The following CCSER1 variants were observed in gnomAD, a reference collection of about 807,000 sequenced individuals.
CCSER1 encodes serine-rich coiled-coil domain-containing protein 1.
CCSER1 carries 41 observed loss-of-function variants against 82.0 expected under a neutral mutation model. The observed-to-expected ratio is 0.50, with a 90% CI of 0.39 to 0.65. The LOEUF (loss-of-function observed/expected upper bound fraction) is 0.65, where lower values mean the gene tolerates loss of function less well. Among genes scored for constraint, CCSER1 ranks in the 30% least tolerant of loss-of-function variants. The pLI is 0.00. For synonymous variants in CCSER1, 414 were observed against 383.9 expected, an observed-to-expected ratio of 1.08 and a Z score of -0.92; for missense variants, 1,119 against 1,064.2, an observed-to-expected ratio of 1.05 and a Z score of -0.72.
chr4:91,333,939 A>G (rs1747133285), intron 10 of CCSER1, among the ~76,000 whole-genome samples: 1 of 152,062 alleles, frequency 6.6e-6, no homozygotes, highest in East Asian at 1.9e-4. Flanking sequence ...TTTTCAAATA[A>G]TTTTTTCTTA....
intron 10 of CCSER1, among the ~76,000 whole-genome samples, chr4:91,203,123 G>A (rs547728406): frequency 6.6e-5 from 10 of 151,930 alleles, no homozygotes; most frequent in African/African-American, 2.2e-4. Context: ...CAGTGTAAAA[G>A]TGTTCCTATT....
chr4:90,178,203 T>C (rs1241798487), intron 1 of CCSER1, among the ~76,000 whole-genome samples: 1 of 152,084 alleles, frequency 6.6e-6, no homozygotes, highest in Non-Finnish European at 1.5e-5. Flanking sequence ...ATTAATATAA[T>C]CAAATGAATT....
intron 1 of CCSER1, among the ~76,000 whole-genome samples, chr4:90,287,721 A>G (rs972238414): frequency 1.3e-5 from 2 of 152,008 alleles, no homozygotes; most frequent in Non-Finnish European, 2.9e-5. Flanking sequence ...CTTTGATATT[A>G]GAAATGAATT....
chr4:91,291,043 T>A (rs1461045834), intron 10 of CCSER1, among the ~76,000 whole-genome samples: 1 of 151,518 alleles, frequency 6.6e-6, no homozygotes, highest in Non-Finnish European at 1.5e-5. Flanking sequence ...AATTAGCACC[T>A]CTTATTAAAA....
At chr4:90,470,528 T>C (rs1330714739) in intron 5 of CCSER1, among the ~76,000 whole-genome samples, 2 of 152,158 alleles carry the variant, frequency 1.3e-5, no homozygotes, top group Non-Finnish European at 2.9e-5. Context: ...ATGTAATTTA[T>C]AAAGTACAAA....
chr4:90,461,421 G>T (rs1473660871), intron 4 of CCSER1, among the ~76,000 whole-genome samples: 2 of 152,080 alleles, frequency 1.3e-5, no homozygotes, highest in South Asian at 4.2e-4. Flanking sequence ...TTTAATGATC[G>T]GTATCAATTC....
chr4:90,289,385 T>A (rs13130000), intron 1 of CCSER1, among the ~76,000 whole-genome samples: 99,392 of 151,722 alleles, frequency 0.66, 34,889 homozygotes, highest in African/African-American at 0.91. Flanking sequence ...AGTAAAAAGA[T>A]AATTTGAAAT....
chr4:91,415,794 G>T (rs551788655), intron 10 of CCSER1, among the ~76,000 whole-genome samples: 1 of 152,218 alleles, frequency 6.6e-6, no homozygotes, highest in Non-Finnish European at 1.5e-5. Flanking sequence ...CTGATGTGCT[G>T]CTGGATTTCG....
chr4:90,288,491 C>T (rs1055023491), intron 1 of CCSER1, among the ~76,000 whole-genome samples: 15 of 151,924 alleles, frequency 9.9e-5, no homozygotes, highest in Non-Finnish European at 2.9e-5. Context: ...TTCTGTCTCC[C>T]TCATTGGAGT....
intron 9 of CCSER1, among the ~76,000 whole-genome samples, chr4:91,069,740 C>T (rs1442014492): frequency 1.3e-5 from 2 of 152,114 alleles, no homozygotes; most frequent in Admixed American, 6.5e-5. Flanking sequence ...AGTCCTTTGA[C>T]ACAGGAAATT....
Position 90,309,603 on chromosome 4 carries a change from C to T in CCSER1, c.1319C>T (p.Ala440Val), listed in dbSNP as rs373458356. The change falls in exon 2 of 11, where the codon GCC becomes GTC. Residue 440 changes from alanine to valine, a missense_variant. Transcript: ENST00000509176. ...KTSHGYEANP[A>V]KVLASSLSPF... ...TCACATGGATATGAAGCAAATCCTGCCAAAGGTATGCTGATTTTTTTTGTA... is the reference window on the plus strand; with the variant it reads ...TCACATGGATATGAAGCAAATCCTGTCAAAGGTATGCTGATTTTTTTTGTA... 8.7e-5 allele frequency: 136 copies of T among 1,562,948 alleles called. No individual in the cohort carries two copies. Among genetic ancestry groups the T allele is most frequent in the Non-Finnish European group, 1.0e-4 (116 of 1,157,848 alleles).
chr4:91,239,104 C>T (rs1253224209), intron 10 of CCSER1, among the ~76,000 whole-genome samples: 3 of 151,014 alleles, frequency 2.0e-5, no homozygotes, highest in South Asian at 4.2e-4. Flanking sequence ...GTATTACAAG[C>T]GTGAGCCACT....
chr4:90,612,009 CT>C (rs1785567831), intron 5 of CCSER1, among the ~76,000 whole-genome samples: 1 of 151,344 alleles, frequency 6.6e-6, no homozygotes, highest in African/African-American at 2.4e-5. Context: ...TTTTATTTAC[CT>C]TATTTTCACT....
intron 9 of CCSER1, among the ~76,000 whole-genome samples, chr4:91,077,465 A>C (rs923507930): frequency 6.6e-6 from 1 of 152,258 alleles, no homozygotes; most frequent in Non-Finnish European, 1.5e-5. Context: ...GAGAAAATTC[A>C]GTCAATAGAA....
chr4:90,902,138 T>A (rs143110391), intron 8 of CCSER1, among the ~76,000 whole-genome samples: 1 of 151,816 alleles, frequency 6.6e-6, no homozygotes, highest in East Asian at 1.9e-4. Flanking sequence ...TAAGTTCTAT[T>A]TTTTTTATTT....
intron 9 of CCSER1, among the ~76,000 whole-genome samples, chr4:91,033,736 G>T (rs1741188506): frequency 6.6e-6 from 1 of 152,162 alleles, no homozygotes; most frequent in African/African-American, 2.4e-5. Flanking sequence ...GGACTCAGAA[G>T]TGTCTTTAAA....
intron 10 of CCSER1, among the ~76,000 whole-genome samples, chr4:91,246,958 A>G (rs1042741458): frequency 4.6e-5 from 7 of 152,140 alleles, no homozygotes; most frequent in Non-Finnish European, 8.8e-5. Context: ...TAGAATGGCT[A>G]AAGTCCAAAA....
At position 90,253,885 on chromosome 4, in the gene CCSER1, T is replaced by C. The variant is rs1267591359; in HGVS notation, c.-41-54359T>C. Among the ~76,000 whole-genome samples the C allele has an allele frequency of 5.3e-5, 8 of 152,204 alleles. No individual in the cohort carries two copies. The East Asian group carries it at 1.5e-3, about 29-fold the overall frequency. On this transcript the variant is annotated intron_variant, in intron 1 of 10. Transcript: ENST00000509176. ...TCTGCATCTACTGGTATCATATCCA[T>C]CTGTTAGCCTTCACTAATTGCTAGC...
chr4:90,132,673 T>G (rs1723005414), intron 1 of CCSER1, among the ~76,000 whole-genome samples: 1 of 152,222 alleles, frequency 6.6e-6, no homozygotes, highest in African/African-American at 2.4e-5. Flanking sequence ...AGGTGTTTGA[T>G]ATATTACAAA....
Sources: gnomAD v4.1 joint callset for allele counts (sites outside exome capture counted in the v4.1 genomes callset) on GRCh38, gnomAD v4.1.1 for gene constraint, MANE v1.5 for transcripts, NCBI Gene and HGNC (gene_info 2026-07-23, HGNC 2026-07-21) for gene names.